ZNF487: variants seen among roughly 807,000 people sequenced by gnomAD.
ZNF487 encodes the protein zinc finger protein 487.
Under a neutral mutation model 3.0 loss-of-function variants are expected in ZNF487, and 4 were observed. The ratio of observed to expected loss-of-function variants is 1.35; its 90% confidence interval spans 0.66 to 3.08. The LOEUF (loss-of-function observed/expected upper bound fraction) is 3.08. Among genes scored for constraint, ZNF487 ranks in the 30% most tolerant of loss-of-function variants. The pLI, the probability that ZNF487 is intolerant of heterozygous loss-of-function variation, is 0.01. For missense variants in ZNF487, 146 were observed against 98.7 expected, an observed-to-expected ratio of 1.48 and a Z score of -2.03; for synonymous variants, 55 against 34.6, an observed-to-expected ratio of 1.59 and a Z score of -2.06.
chr10:43,465,530 C>T (rs186537418), intron 1 of ZNF487, among the ~76,000 whole-genome samples: 4,836 of 151,030 alleles, frequency 0.032, 253 homozygotes, highest in African/African-American at 0.11. Flanking sequence ...CGGGCAGAGG[C>T]GCTCCTCACA....
the ZNF487 span, among the ~76,000 whole-genome samples, chr10:43,523,057 C>A: frequency 6.6e-6 from 1 of 152,170 alleles, no homozygotes; most frequent in African/African-American, 2.4e-5. Flanking sequence ...TTTTTATTTG[C>A]AGATTCCTCT....
intron 1 of ZNF487, among the ~76,000 whole-genome samples, chr10:43,468,679 C>CAAAA (rs71016773): frequency 2.5e-4 from 9 of 36,038 alleles, no homozygotes; most frequent in South Asian, 1.2e-3. Flanking sequence ...AACTCTGTCT[C>CAAAA]AAAAAAAAAA....
chr10:43,492,210 T>C, the ZNF487 span, among the ~76,000 whole-genome samples: 1 of 151,870 alleles, frequency 6.6e-6, no homozygotes, highest in Non-Finnish European at 1.5e-5. Flanking sequence ...GATTGTGTTA[T>C]AGTGTTTTGC....
chr10:43,443,460 C>T (rs1191206538), intron 1 of ZNF487, among the ~76,000 whole-genome samples: 1 of 148,832 alleles, frequency 6.7e-6, no homozygotes, highest in African/African-American at 2.5e-5. Context: ...TGAAACCTCC[C>T]CCTACCGGGT....
At chr10:43,483,905 G>T (rs1406755286), downstream of ZNF487, among the ~76,000 whole-genome samples, 1 of 152,104 alleles carries the variant, frequency 6.6e-6, no homozygotes, top group East Asian at 1.9e-4. Flanking sequence ...AGGCTGGAGT[G>T]CAGTGGCATG....
chr10:43,480,556 CA>C, intron 3 of ZNF487, among the ~76,000 whole-genome samples: 1 of 152,204 alleles, frequency 6.6e-6, no homozygotes, highest in Non-Finnish European at 1.5e-5. Flanking sequence ...GCTGGGATTA[CA>C]GATGCACACC....
chr10:43,452,630 G>A (rs1433082858), intron 1 of ZNF487: 1 of 152,150 alleles, frequency 6.6e-6, no homozygotes, highest in Non-Finnish European at 1.5e-5. Context: ...CAAAATGCTG[G>A]GGTTACAGGC....
At chr10:43,517,256 C>T in the ZNF487 span, among the ~76,000 whole-genome samples, 1 of 152,234 alleles carries the variant, frequency 6.6e-6, no homozygotes. Context: ...CAAGAAACAG[C>T]TATTGACTTT....
the ZNF487 span, among the ~76,000 whole-genome samples, chr10:43,519,648 A>G: frequency 6.6e-6 from 1 of 152,102 alleles, no homozygotes; most frequent in African/African-American, 2.4e-5. Context: ...TTGTATTTTT[A>G]GTAGAAACGG....
chr10:43,499,672 G>T, the ZNF487 span, among the ~76,000 whole-genome samples: 3 of 152,034 alleles, frequency 2.0e-5, no homozygotes, highest in Admixed American at 6.6e-5. Context: ...GATCTCGTGA[G>T]CCTGGGCAGT....
intron 3 of ZNF487, among the ~76,000 whole-genome samples, chr10:43,476,766 G>A (rs1841114372): frequency 6.6e-6 from 1 of 152,198 alleles, no homozygotes; most frequent in Non-Finnish European, 1.5e-5. Context: ...ACGTGTGCAG[G>A]ACAGCAGTGA....
chr10:43,436,852 C>A (rs1187881704), upstream of ZNF487: 6 of 468,244 alleles, frequency 1.3e-5, no homozygotes, highest in Non-Finnish European at 2.7e-5. Context: ...GCGGCCCCGC[C>A]CCCGGACGCC....
the ZNF487 span, among the ~76,000 whole-genome samples, chr10:43,493,709 A>AAAAAAAAAAAAATATATATATAT: frequency 2.3e-5 from 1 of 43,704 alleles, no homozygotes; most frequent in Admixed American, 4.4e-4. Context: ...AAAAAAAAAA[A>AAAAAAAAAAAAATATATATATAT]ATATATATAT....
intron 3 of ZNF487, among the ~76,000 whole-genome samples, chr10:43,476,642 T>C (rs1007824452): frequency 6.6e-6 from 1 of 152,322 alleles, no homozygotes; most frequent in African/African-American, 2.4e-5. Context: ...GTGTGCTTTA[T>C]GCAAGGGCCT....
At chr10:43,496,221 T>C in the ZNF487 span, among the ~76,000 whole-genome samples, 1 of 152,148 alleles carries the variant, frequency 6.6e-6, no homozygotes, top group Admixed American at 6.6e-5. Context: ...TTTATAGAGA[T>C]GAATTATTTT....
chr10:43,492,452 T>TTTA, the ZNF487 span, among the ~76,000 whole-genome samples: 337 of 62,272 alleles, frequency 5.4e-3, 19 homozygotes, highest in African/African-American at 0.013. Flanking sequence ...ATTATTTTAT[T>TTTA]TTATTTTATT....
At chr10:43,469,280 T>A (rs1370852980) in intron 1 of ZNF487, among the ~76,000 whole-genome samples, 2 of 152,048 alleles carry the variant, frequency 1.3e-5, no homozygotes, top group Non-Finnish European at 2.9e-5. Flanking sequence ...CACTGTGACC[T>A]CTGCCTCCCG....
chr10:43,519,571 AT>A, the ZNF487 span, among the ~76,000 whole-genome samples: 1 of 150,758 alleles, frequency 6.6e-6, no homozygotes, highest in East Asian at 2.0e-4. Context: ...AGGTTCAGGC[AT>A]TTCTTCTGCC....
chr10:43,516,300 G>A, the ZNF487 span, among the ~76,000 whole-genome samples: 1 of 152,138 alleles, frequency 6.6e-6, no homozygotes, highest in Non-Finnish European at 1.5e-5. Context: ...CATACTATTA[G>A]AAGTAGAGTC....
Sources: allele counts gnomAD v4.1 joint callset (sites outside exome capture counted in the v4.1 genomes callset), GRCh38; gene constraint gnomAD v4.1.1; transcripts MANE v1.5; gene names NCBI Gene and HGNC (gene_info 2026-07-23, HGNC 2026-07-21).